The following ARHGAP44 variants were observed in gnomAD, a reference collection of about 807,000 sequenced individuals.
The protein encoded by ARHGAP44 is rho GTPase-activating protein 44.
In ARHGAP44, 43 loss-of-function variants were observed where a neutral mutation model predicts 106.8. The observed-to-expected ratio is 0.40, with a 90% CI of 0.32 to 0.52. The LOEUF is 0.52. Ranked by LOEUF, ARHGAP44 falls within the 20% of genes least tolerant of loss-of-function variation. The pLI, the probability that ARHGAP44 is intolerant of heterozygous loss-of-function variation, is 0.48. For synonymous variants in ARHGAP44, 439 were observed against 410.3 expected, an observed-to-expected ratio of 1.07 and a Z score of -0.85; for missense variants, 866 against 1,050.5, an observed-to-expected ratio of 0.82 and a Z score of 2.43.
chr17:12,852,597 A>G (rs979398130), intron 1 of ARHGAP44, among the ~76,000 whole-genome samples: 1 of 147,686 alleles, frequency 6.8e-6, no homozygotes, highest in East Asian at 2.0e-4. Context: ...GCTGGAGTGC[A>G]GTGGTGCAAT....
intron 1 of ARHGAP44, among the ~76,000 whole-genome samples, chr17:12,869,676 A>G (rs1213698831): frequency 6.6e-6 from 1 of 152,192 alleles, no homozygotes; most frequent in Non-Finnish European, 1.5e-5. Flanking sequence ...ACATTTTACA[A>G]TGTATGTAAT....
chr17:12,948,236 G>A (rs975228342), intron 10 of ARHGAP44, among the ~76,000 whole-genome samples: 1 of 152,130 alleles, frequency 6.6e-6, no homozygotes, highest in Non-Finnish European at 1.5e-5. Flanking sequence ...ACTCTCTAAG[G>A]TGCAGTGGTT....
intron 1 of ARHGAP44, among the ~76,000 whole-genome samples, chr17:12,832,987 C>T (rs2035131499): frequency 6.6e-6 from 1 of 152,234 alleles, no homozygotes; most frequent in Non-Finnish European, 1.5e-5. Context: ...TAGCTATTCT[C>T]TGTTTCACTC....
At chr17:12,904,425 C>T (rs921026506) in intron 3 of ARHGAP44, among the ~76,000 whole-genome samples, 4 of 152,074 alleles carry the variant, frequency 2.6e-5, no homozygotes, top group Non-Finnish European at 5.9e-5. Flanking sequence ...ATTCTTAAAG[C>T]ATTTACACAA....
At chr17:12,915,762 G>C (rs2037891677) in intron 4 of ARHGAP44, 138 bp from the exon 5 acceptor site, 1 of 678,972 alleles carries the variant, frequency 1.5e-6, no homozygotes, top group East Asian at 2.8e-5. Flanking sequence ...TTGGCCCAGG[G>C]GAAGCCATGG....
intron 1 of ARHGAP44, among the ~76,000 whole-genome samples, chr17:12,871,307 T>C (rs1411545031): frequency 6.6e-6 from 1 of 152,164 alleles, no homozygotes; most frequent in Non-Finnish European, 1.5e-5. Flanking sequence ...CTCTCATGAA[T>C]GGTTTCGCAC....
At chr17:12,919,264 A>G (rs547211280) in intron 5 of ARHGAP44, among the ~76,000 whole-genome samples, 1 of 152,340 alleles carries the variant, frequency 6.6e-6, no homozygotes, top group Non-Finnish European at 1.5e-5. Flanking sequence ...AATATATACA[A>G]TTCCTATTAG....
At chr17:12,795,813 A>G (rs2033901119) in intron 1 of ARHGAP44, among the ~76,000 whole-genome samples, 1 of 152,116 alleles carries the variant, frequency 6.6e-6, no homozygotes, top group South Asian at 2.1e-4. Flanking sequence ...GGGGCATCCA[A>G]TTGAGCTGGC....
chr17:12,878,643 C>A (rs547645074), intron 1 of ARHGAP44, among the ~76,000 whole-genome samples: 4 of 152,286 alleles, frequency 2.6e-5, no homozygotes, highest in Non-Finnish European at 5.9e-5. Flanking sequence ...GCTGCGTTTC[C>A]TTGAAGGTTA....
intron 12 of ARHGAP44, among the ~76,000 whole-genome samples, chr17:12,951,642 G>A (rs115751403): frequency 0.012 from 1,844 of 152,180 alleles, 42 homozygotes; most frequent in African/African-American, 0.041. Flanking sequence ...TGATCCAGAT[G>A]ACTCAAAGAG....
intron 1 of ARHGAP44, among the ~76,000 whole-genome samples, chr17:12,814,920 A>G (rs1018699547): frequency 2.0e-5 from 3 of 152,118 alleles, no homozygotes; most frequent in Non-Finnish European, 4.4e-5. Flanking sequence ...ATATTGCTGA[A>G]TCATGGTTGA....
At chr17:12,863,567 A>T (rs893578167) in intron 1 of ARHGAP44, among the ~76,000 whole-genome samples, 9 of 152,104 alleles carry the variant, frequency 5.9e-5, no homozygotes, top group Non-Finnish European at 1.0e-4. Flanking sequence ...ATCTTTTTAA[A>T]CCCATTTCTA....
At chr17:12,888,548 A>C (rs2036948848) in intron 1 of ARHGAP44, among the ~76,000 whole-genome samples, 1 of 152,178 alleles carries the variant, frequency 6.6e-6, no homozygotes, top group Non-Finnish European at 1.5e-5. Flanking sequence ...CTGGAAAATA[A>C]CATATATTCT....
At chr17:12,882,982 T>C (rs1249223661) in intron 1 of ARHGAP44, among the ~76,000 whole-genome samples, 1 of 152,002 alleles carries the variant, frequency 6.6e-6, no homozygotes, top group Non-Finnish European at 1.5e-5. Context: ...ATTTATATTC[T>C]TTGTATAAGT....
At chr17:12,970,890 A>T (rs1206927996) in intron 16 of ARHGAP44, among the ~76,000 whole-genome samples, 1 of 152,204 alleles carries the variant, frequency 6.6e-6, no homozygotes, top group Non-Finnish European at 1.5e-5. Flanking sequence ...TTTTATCTAG[A>T]CATTTGAACA....
intron 1 of ARHGAP44, among the ~76,000 whole-genome samples, chr17:12,791,680 T>C (rs1005218237): frequency 6.6e-6 from 1 of 152,158 alleles, no homozygotes; most frequent in Non-Finnish European, 1.5e-5. Context: ...ATGGGGGGAA[T>C]GCAAAATGGT....
Position 12,972,530 on chromosome 17 carries a change from C to T in ARHGAP44, c.1524-772C>T, listed in dbSNP as rs185218896. Among the ~76,000 whole-genome samples, 748 of 151,984 alleles carry T rather than the reference C, an allele frequency of 4.9e-3. 5 individuals carry two copies. Among genetic ancestry groups the T allele is most frequent in the Middle Eastern group, 0.021 (6 of 292 alleles). ...GGGTGTGGTGGCGGGTGCCTGTAAT[C>T]CCAGCTACTCGGGAGGCTGAGGCAG... is the stretch of plus-strand genomic sequence containing the variant. On this transcript the variant is annotated intron_variant, in intron 16 of 20. Coordinates refer to ENST00000379672, the MANE Select transcript of ARHGAP44 (RefSeq NM_014859.6).
At chr17:12,895,445 A>G (rs1249427048) in intron 2 of ARHGAP44, among the ~76,000 whole-genome samples, 1 of 152,180 alleles carries the variant, frequency 6.6e-6, no homozygotes, top group Non-Finnish European at 1.5e-5. Context: ...GTGACCAGTG[A>G]TGATGAGCAT....
intron 1 of ARHGAP44, among the ~76,000 whole-genome samples, chr17:12,870,269 T>C (rs1199182385): frequency 2.6e-5 from 4 of 151,990 alleles, no homozygotes; most frequent in African/African-American, 9.7e-5. Flanking sequence ...AGGCTATTCT[T>C]GAGTTCCTGA....
Sources: allele counts gnomAD v4.1 joint callset (sites outside exome capture counted in the v4.1 genomes callset), GRCh38; gene constraint gnomAD v4.1.1; transcripts MANE v1.5; gene names NCBI Gene and HGNC (gene_info 2026-07-23, HGNC 2026-07-21).